CCDC60: variants seen among roughly 807,000 people sequenced by gnomAD.
CCDC60 encodes the protein coiled-coil domain-containing protein 60.
CCDC60 carries 54 observed loss-of-function variants against 63.5 expected under a neutral mutation model. The observed-to-expected ratio is 0.85, with a 90% confidence interval of 0.68 to 1.07. CCDC60 has a LOEUF of 1.07. CCDC60 is among the 50% of genes least tolerant of loss of function. The pLI is 0.00. For synonymous variants in CCDC60, 206 were observed against 238.8 expected, an observed-to-expected ratio of 0.86 and a Z score of 1.27; for missense variants, 651 against 684.3, an observed-to-expected ratio of 0.95 and a Z score of 0.54.
chr12:119,480,555 C>T (rs1593149061), intron 4 of CCDC60, among the ~76,000 whole-genome samples: 1 of 152,042 alleles, frequency 6.6e-6, no homozygotes. Flanking sequence ...CAAAAACCAT[C>T]ACCAACACCA....
At chr12:119,531,328 C>T (rs958904485) in intron 13 of CCDC60, among the ~76,000 whole-genome samples, 10 of 152,188 alleles carry the variant, frequency 6.6e-5, no homozygotes, top group Admixed American at 6.5e-4. Context: ...AGTCCTTTAT[C>T]TTGCTACTAA....
chr12:119,418,155 GC>G (rs1458865794), intron 1 of CCDC60, among the ~76,000 whole-genome samples: 2 of 151,834 alleles, frequency 1.3e-5, no homozygotes, highest in African/African-American at 4.8e-5. Context: ...ATGTATGTAT[GC>G]ATACATGTGT....
intron 4 of CCDC60, among the ~76,000 whole-genome samples, chr12:119,481,671 G>A (rs1422167164): frequency 2.6e-5 from 4 of 151,830 alleles, no homozygotes; most frequent in Non-Finnish European, 5.9e-5. Context: ...TTTCTTTAGT[G>A]GTGATTTGTG....
intron 1 of CCDC60, among the ~76,000 whole-genome samples, chr12:119,400,910 C>T (rs1030182546): frequency 4.6e-5 from 7 of 152,354 alleles, no homozygotes; most frequent in Non-Finnish European, 8.8e-5. Flanking sequence ...AGCCACTTTA[C>T]AACCATGAGG....
intron 1 of CCDC60, among the ~76,000 whole-genome samples, chr12:119,338,586 C>T (rs1205608946): frequency 6.6e-6 from 1 of 152,170 alleles, no homozygotes; most frequent in Non-Finnish European, 1.5e-5. Context: ...TCTCACCATT[C>T]TAGTCAAGCT....
At chr12:119,514,434 C>T (rs1052419865) in intron 7 of CCDC60, among the ~76,000 whole-genome samples, 2 of 151,746 alleles carry the variant, frequency 1.3e-5, no homozygotes, top group Non-Finnish European at 2.9e-5. Flanking sequence ...GGTGATCCAC[C>T]CACCTCAGCC....
chr12:119,361,167 G>GGGGAGA (rs534552140), intron 1 of CCDC60, among the ~76,000 whole-genome samples: 24 of 140,420 alleles, frequency 1.7e-4, no homozygotes, highest in African/African-American at 3.7e-4. Flanking sequence ...GGGAGACCAT[G>GGGGAGA]GGGAGAGGGA....
rs1229532768 is a variant in CCDC60 at position 119,521,463 on chromosome 12, A to T, written c.1040+1271A>T. Among the ~76,000 whole-genome samples, 3 of 152,196 alleles carry T rather than the reference A, an allele frequency of 2.0e-5. No homozygotes were observed. The East Asian group carries it at 5.8e-4, about 29-fold the overall frequency. On this transcript the variant is annotated intron_variant, in intron 9 of 13. Coordinates refer to ENST00000327554, the MANE Select transcript of CCDC60 (RefSeq NM_178499.5). ...GGGTGTTGGGTGCTAACCAACACTG[A>T]GTCTGATGTTTAAGCTGAGAACTTC...
intron 1 of CCDC60, among the ~76,000 whole-genome samples, chr12:119,361,447 C>G (rs993212727): frequency 5.9e-5 from 9 of 152,050 alleles, no homozygotes; most frequent in African/African-American, 1.9e-4. Context: ...CAGGCAAGAG[C>G]TCTTTATTGA....
intron 2 of CCDC60, among the ~76,000 whole-genome samples, chr12:119,466,539 A>T (rs1027418386): frequency 2.0e-5 from 3 of 152,104 alleles, no homozygotes; most frequent in African/African-American, 4.8e-5. Context: ...AAGCTCCAAC[A>T]CTCCATCCTC....
intron 1 of CCDC60, among the ~76,000 whole-genome samples, chr12:119,416,700 T>C (rs1956705329): frequency 6.6e-6 from 1 of 152,216 alleles, no homozygotes; most frequent in Non-Finnish European, 1.5e-5. Flanking sequence ...GAAGAACAGA[T>C]AAATTGCATG....
In CCDC60 at chr12:119,540,851, C is replaced by CCA; in HGVS notation, c.*136_*137insCA. 1.8e-5 allele frequency: 11 copies of CCA among 608,372 alleles called. No homozygotes were observed. Among genetic ancestry groups the CCA allele is most frequent in the South Asian group, 8.5e-5 (4 of 46,858 alleles). The allele number at this position is 608,372 out of a possible 1,614,324, so 37.7% of individuals were successfully genotyped here. A position where few individuals can be genotyped will look rare whatever the true frequency, so the allele number is the denominator to read the frequency against. ...GGATGACCCTTTACAGTAGGGTCAT[C>CCA]TGGAGACTGACTTCCAGCAACATTT... On this transcript the variant is annotated 3_prime_UTR_variant, in exon 14 of 14. Transcript: ENST00000327554.
chr12:119,469,671 G>A (rs985148220), intron 2 of CCDC60, among the ~76,000 whole-genome samples: 1 of 152,148 alleles, frequency 6.6e-6, no homozygotes, highest in Non-Finnish European at 1.5e-5. Flanking sequence ...AGGCTACCAG[G>A]AGTAACAACC....
intron 3 of CCDC60, among the ~76,000 whole-genome samples, chr12:119,478,611 T>TC (rs573032733): frequency 4.0e-4 from 58 of 143,812 alleles, no homozygotes; most frequent in Admixed American, 1.2e-3. Context: ...GACTTTTTTT[T>TC]TTTTTTTTTT....
At chr12:119,457,154 C>T (rs1035932647) in intron 2 of CCDC60, among the ~76,000 whole-genome samples, 4 of 152,154 alleles carry the variant, frequency 2.6e-5, no homozygotes, top group Non-Finnish European at 5.9e-5. Flanking sequence ...CCAGCTCAAA[C>T]GGAAGTCTTC....
intron 1 of CCDC60, among the ~76,000 whole-genome samples, chr12:119,397,631 C>G (rs1265998947): frequency 6.8e-6 from 1 of 147,588 alleles, no homozygotes; most frequent in South Asian, 2.2e-4. Context: ...CCCCACTCAA[C>G]TCAGGAGCCC....
At chr12:119,341,415 ATTAG>A (rs1955531428) in intron 1 of CCDC60, among the ~76,000 whole-genome samples, 1 of 152,206 alleles carries the variant, frequency 6.6e-6, no homozygotes, top group Non-Finnish European at 1.5e-5. Context: ...AAGCTTTGTA[ATTAG>A]TTAGAAGCTC....
chr12:119,510,439 T>C (rs950036023), intron 7 of CCDC60, among the ~76,000 whole-genome samples: 1 of 152,204 alleles, frequency 6.6e-6, no homozygotes, highest in African/African-American at 2.4e-5. Context: ...TGTTCCCTCC[T>C]CTGTGAAGCC....
intron 1 of CCDC60, among the ~76,000 whole-genome samples, chr12:119,346,120 T>C (rs1271598932): frequency 6.6e-6 from 1 of 151,696 alleles, no homozygotes; most frequent in African/African-American, 2.4e-5. Flanking sequence ...CCACTGTACC[T>C]GGCCTGGCTG....
Sources: allele counts gnomAD v4.1 joint callset (sites outside exome capture counted in the v4.1 genomes callset), GRCh38; gene constraint gnomAD v4.1.1; transcripts MANE v1.5; gene names NCBI Gene and HGNC (gene_info 2026-07-23, HGNC 2026-07-21).